The following CNN1 variants were observed in gnomAD, a reference collection of about 807,000 sequenced individuals.
CNN1 encodes the protein calponin 1.
CNN1 carries 21 observed loss-of-function variants against 35.3 expected under a neutral mutation model. The observed-to-expected ratio is 0.60, with a 90% confidence interval of 0.42 to 0.86. The LOEUF is 0.86. Among genes scored for constraint, CNN1 ranks in the 40% least tolerant of loss-of-function variants. CNN1 has a pLI of 0.00. For synonymous variants in CNN1, 164 were observed against 161.8 expected, an observed-to-expected ratio of 1.01 and a Z score of -0.10; for missense variants, 314 against 400.8, an observed-to-expected ratio of 0.78 and a Z score of 1.85.
chr19:11,544,660 G>A (rs947913418), intron 2 of CNN1, among the ~76,000 whole-genome samples: 6 of 149,122 alleles, frequency 4.0e-5, no homozygotes, highest in South Asian at 2.1e-4. Flanking sequence ...TGAAGTTTTC[G>A]GGTTTTTTTT....
rs1249657969 is a variant in CNN1, at chr19:11,539,341, A to G, written c.63+351A>G. 7 of 1,083,490 alleles carry G rather than the reference A, an allele frequency of 6.5e-6. No individual in the cohort carries two copies. The Admixed American group carries it at 1.5e-4, about 23-fold the overall frequency. The allele number at this position is 1,083,490 out of a possible 1,614,324, so 67.1% of individuals were successfully genotyped here. A position where few individuals can be genotyped will look rare whatever the true frequency, so the allele number is the denominator to read the frequency against. On this transcript the variant is annotated intron_variant, in intron 1 of 6. Coordinates refer to ENST00000252456, the MANE Select transcript of CNN1 (RefSeq NM_001299.6). ...CCATATCCCCCGGCCTGACAAAGAAATTGGGGAGCGCTTGAGTGCTGGGGT... is the reference window on the plus strand; with the variant it reads ...CCATATCCCCCGGCCTGACAAAGAAGTTGGGGAGCGCTTGAGTGCTGGGGT...
At chr19:11,546,624 G>T (rs371876703) in intron 2 of CNN1, 51 bp from the exon 3 acceptor site, 1 of 1,605,140 alleles carries the variant, frequency 6.2e-7, no homozygotes, top group Non-Finnish European at 8.5e-7. Flanking sequence ...GTGAGCCACC[G>T]TGCCCAACCC....
intron 4 of CNN1, among the ~76,000 whole-genome samples, 156 bp downstream of exon 4, chr19:11,547,125 G>A (rs545472752): frequency 9.9e-4 from 151 of 152,148 alleles, no homozygotes; most frequent in African/African-American, 3.5e-3. Flanking sequence ...GGCCGGGCGC[G>A]GTCGCTCACA....
At chr19:11,546,330 G>A (rs996994372) in intron 2 of CNN1, among the ~76,000 whole-genome samples, 15 of 151,586 alleles carry the variant, frequency 9.9e-5, no homozygotes, top group Admixed American at 2.0e-4. Context: ...GGGAGTGGGG[G>A]ACACCTTTCT....
intron 3 of CNN1, 29 bp from the exon 4 acceptor site, chr19:11,546,803 C>T (rs767885939): frequency 2.5e-6 from 4 of 1,614,156 alleles, no homozygotes; most frequent in East Asian, 2.2e-5. Flanking sequence ...CCCCTCCCCA[C>T]CCAGTGACCA....
At chr19:11,545,026 G>A (rs1052391667) in intron 2 of CNN1, among the ~76,000 whole-genome samples, 14 of 151,996 alleles carry the variant, frequency 9.2e-5, no homozygotes, top group African/African-American at 3.1e-4. Context: ...TGGTGAAACC[G>A]CGTCTCTACT....
chr19:11,547,941 G>A (rs760335868), intron 5 of CNN1, 34 bp downstream of exon 5: 1 of 1,560,598 alleles, frequency 6.4e-7, no homozygotes. Context: ...AGAGGTCATA[G>A]AGGCCAGGAG....
chr19:11,547,393 T>C (rs1207914004), intron 4 of CNN1, among the ~76,000 whole-genome samples: 1 of 133,416 alleles, frequency 7.5e-6, no homozygotes, highest in Admixed American at 8.1e-5. Flanking sequence ...AGACTCCGTC[T>C]CAAAAAAAAA....
chr19:11,540,062 G>C (rs1329123916), intron 1 of CNN1: 1 of 1,039,850 alleles, frequency 9.6e-7, no homozygotes, highest in Non-Finnish European at 1.2e-6. Context: ...ACTCACCCGG[G>C]AGAAGAAGAG....
intron 1 of CNN1, chr19:11,539,594 AC>A (rs1240416642): frequency 1.1e-5 from 9 of 843,758 alleles, no homozygotes; most frequent in Non-Finnish European, 1.3e-5. Flanking sequence ...CCCTGGACTC[AC>A]CCCCCATACA....
At chr19:11,543,782 C>CA (rs1158001002) in intron 2 of CNN1, among the ~76,000 whole-genome samples, 4,560 of 50,182 alleles carry the variant, frequency 0.091, 346 homozygotes, top group African/African-American at 0.2. Context: ...GACTCCGTCT[C>CA]AAAAAAAAAA....
chr19:11,543,505 G>A (rs1972510575), intron 2 of CNN1, among the ~76,000 whole-genome samples: 1 of 146,112 alleles, frequency 6.8e-6, no homozygotes, highest in Non-Finnish European at 1.5e-5. Context: ...AGTGGGCCGG[G>A]CGCGGTGACT....
chr19:11,539,949 C>T (rs979042438), intron 1 of CNN1: 1 of 1,114,792 alleles, frequency 9.0e-7, no homozygotes, highest in Non-Finnish European at 1.1e-6. Context: ...GGAGCCCGGG[C>T]CACGCTATAT....
intron 4 of CNN1, 119 bp from the exon 5 acceptor site, chr19:11,547,678 A>T (rs1283995668): frequency 1.4e-6 from 1 of 716,348 alleles, no homozygotes; most frequent in Non-Finnish European, 2.3e-6. Flanking sequence ...ACGCCACTGC[A>T]CTCCAGCCTG....
chr19:11,541,316 G>T (rs1177784774), intron 2 of CNN1, 119 bp downstream of exon 2: 6 of 1,318,944 alleles, frequency 4.5e-6, no homozygotes, highest in Non-Finnish European at 6.1e-6. Context: ...GGATACCTTT[G>T]GGGTGGCCAG....
At position 11,549,050 on chromosome 19, in the gene CNN1, T is replaced by C. The variant is rs1467471215; in HGVS notation, c.502-273T>C. 2.0e-5 allele frequency among the ~76,000 whole-genome samples: 3 copies of C among 151,306 alleles called. No individual in the cohort carries two copies. Among genetic ancestry groups the C allele is most frequent in the Admixed American group, 1.3e-4 (2 of 15,160 alleles). On this transcript the variant is annotated intron_variant, in intron 5 of 6. Transcript: ENST00000252456. The surrounding 1 kb of genome is among the most constrained non-coding windows in gnomAD (Gnocchi z 5.2). ...AAAAATACAAAAAATTATCCGGGCA[T>C]GGTGATGCCCACCTGTGATCCCAGC...
rs373323536 is a variant in CNN1 at position 11,549,678 on chromosome 19, G to A, written c.777G>A (p.Thr259=). Residue 259 remains threonine, a synonymous_variant, in exon 7 of 7, where the codon ACG becomes ACA. Transcript: ENST00000252456. This position sits in a 1 kb window ranked among gnomAD's most constrained non-coding sequence, Gnocchi z 5.2. Reference sequence around the variant, plus strand: ...AGGGCGCCTCGCAGCGGGGCATGACGGTGTATGGGCTGCCACGCCAGGTCT... The same window carrying A: ...AGGGCGCCTCGCAGCGGGGCATGACAGTGTATGGGCTGCCACGCCAGGTCT... ...SNKGASQRGM[T]VYGLPRQVYD... is the part of the protein sequence containing the mutation. The A allele has an allele frequency of 4.3e-5, 70 of 1,614,222 alleles. No homozygotes were observed. The South Asian group carries it at 5.6e-4, about 13-fold the overall frequency.
intron 2 of CNN1, among the ~76,000 whole-genome samples, chr19:11,545,819 A>G (rs956091790): frequency 1.5e-4 from 22 of 145,690 alleles, no homozygotes; most frequent in Non-Finnish European, 4.5e-5. Context: ...AAAAAAAAAA[A>G]GCCAGGCATG....
chr19:11,543,964 T>TCATA (rs1972524274), intron 2 of CNN1, among the ~76,000 whole-genome samples: 1 of 138,652 alleles, frequency 7.2e-6, no homozygotes, highest in African/African-American at 2.5e-5. Context: ...GGTCATTCAC[T>TCATA]CATTCATTCA....
Sources: allele counts gnomAD v4.1 joint callset (sites outside exome capture counted in the v4.1 genomes callset), GRCh38; gene constraint gnomAD v4.1.1; non-coding constraint Gnocchi (gnomAD v3.1); transcripts MANE v1.5; gene names NCBI Gene and HGNC (gene_info 2026-07-23, HGNC 2026-07-21).